The following NRXN1 variants were observed in gnomAD, a reference collection of about 807,000 sequenced individuals.
The protein encoded by NRXN1 is neurexin 1.
Under a neutral mutation model 150.9 loss-of-function variants are expected in NRXN1, and 39 were observed. The ratio of observed to expected loss-of-function variants is 0.26; its 90% CI spans 0.20 to 0.34. NRXN1 has a LOEUF of 0.34. Ranked by LOEUF, NRXN1 falls within the 10% of genes least tolerant of loss-of-function variation. NRXN1 has a pLI of 1.00. For synonymous variants in NRXN1, 924 were observed against 757.0 expected (o/e 1.22, Z -3.62); for missense variants, 1,815 against 1,949.9 (o/e 0.93, Z 1.30).
intron 18 of NRXN1, among the ~76,000 whole-genome samples, chr2:50,177,528 A>G (rs191768994): frequency 1.3e-5 from 2 of 151,924 alleles, no homozygotes; most frequent in East Asian, 3.9e-4. Context: ...TATATCTTTT[A>G]CTTTGGGATG....
chr2:50,301,540 G>T (rs573999238), intron 17 of NRXN1, among the ~76,000 whole-genome samples: 15 of 152,260 alleles, frequency 9.9e-5, no homozygotes, highest in African/African-American at 2.6e-4. Context: ...AACATCAACA[G>T]ATTTTTTATG....
At chr2:50,078,992 C>T (rs571620127) in intron 19 of NRXN1, among the ~76,000 whole-genome samples, 13 of 152,136 alleles carry the variant, frequency 8.5e-5, no homozygotes, top group East Asian at 5.8e-4. Flanking sequence ...GGGATTCTAA[C>T]GATGAATTCC....
At chr2:50,690,508 G>A (rs955426008) in intron 5 of NRXN1, among the ~76,000 whole-genome samples, 20 of 152,236 alleles carry the variant, frequency 1.3e-4, no homozygotes, top group African/African-American at 4.8e-4. Context: ...TTTGGTTGGT[G>A]GGAATAGAAA....
At position 50,389,887 on chromosome 2, in the gene NRXN1, T is replaced by C. The variant is rs541285016; in HGVS notation, c.3364+75555A>G. On this transcript the variant is annotated intron_variant, in intron 17 of 22. Coordinates refer to ENST00000401669, the MANE Select transcript of NRXN1 (RefSeq NM_001330078.2). ...TCAAATGGAACTTTAAATACACCAT[T>C]GCTGGTTATACTTGGTGATGTTATG... Among the ~76,000 whole-genome samples, 5 of 152,264 alleles carry C rather than the reference T, an allele frequency of 3.3e-5. No homozygotes were observed. In the East Asian group the frequency reaches 7.7e-4, roughly 24 times the overall value.
At chr2:50,148,972 C>G (rs1313699588) in intron 18 of NRXN1, among the ~76,000 whole-genome samples, 2 of 151,594 alleles carry the variant, frequency 1.3e-5, no homozygotes, top group Non-Finnish European at 3.0e-5. Flanking sequence ...ATAATCATCT[C>G]TGGGTTGAAA....
In NRXN1 at chr2:51,021,282, T is replaced by C. The variant is rs1024395823; in HGVS notation, c.772+6220A>G. 2.0e-5 allele frequency among the ~76,000 whole-genome samples: 3 copies of C among 151,960 alleles called. No individual in the cohort carries two copies. In the East Asian group the frequency reaches 5.8e-4, roughly 29 times the overall value. On this transcript the variant is annotated intron_variant, in intron 2 of 22. Transcript: ENST00000401669. ...CCTGTAATAAAATGAAACCTGAATA[T>C]CTATTGTAAGGCCTAATTTTCAGTA... is the stretch of plus-strand genomic sequence containing the variant.
chr2:50,057,157 T>C (rs1368436143), intron 19 of NRXN1, among the ~76,000 whole-genome samples: 1 of 152,142 alleles, frequency 6.6e-6, no homozygotes, highest in Non-Finnish European at 1.5e-5. Context: ...CTCAGACCCT[T>C]AGTGAAATTT....
intron 5 of NRXN1, among the ~76,000 whole-genome samples, chr2:50,742,677 T>C (rs1699571918): frequency 6.6e-6 from 1 of 151,688 alleles, no homozygotes; most frequent in Admixed American, 6.6e-5. Flanking sequence ...AATTTCCATA[T>C]CTCAACGTTC....
At chr2:50,850,579 C>T (rs1400504143) in intron 5 of NRXN1, among the ~76,000 whole-genome samples, 1 of 152,148 alleles carries the variant, frequency 6.6e-6, no homozygotes, top group Non-Finnish European at 1.5e-5. Flanking sequence ...TTGAAACCTA[C>T]TAGCCTTTCT....
intron 5 of NRXN1, among the ~76,000 whole-genome samples, chr2:50,828,062 G>A (rs9751942): frequency 6.7e-5 from 10 of 148,448 alleles, no homozygotes; most frequent in African/African-American, 2.5e-4. Context: ...ACCTTTCCCC[G>A]CTTTCTATTC....
intron 8 of NRXN1, among the ~76,000 whole-genome samples, chr2:50,601,493 T>A (rs1394808636): frequency 6.6e-6 from 1 of 152,192 alleles, no homozygotes; most frequent in Non-Finnish European, 1.5e-5. Flanking sequence ...CAAATAACTC[T>A]CCGTAATTAT....
intron 17 of NRXN1, among the ~76,000 whole-genome samples, chr2:50,403,183 T>C (rs2082512896): frequency 6.6e-6 from 1 of 152,082 alleles, no homozygotes; most frequent in African/African-American, 2.4e-5. Context: ...ATAATTTATA[T>C]TACACAGAAT....
intron 10 of NRXN1, among the ~76,000 whole-genome samples, chr2:50,537,866 T>G (rs959561839): frequency 3.9e-5 from 6 of 152,210 alleles, no homozygotes; most frequent in African/African-American, 1.4e-4. Flanking sequence ...CAAATGCTAT[T>G]TCTTAGCATG....
intron 21 of NRXN1, among the ~76,000 whole-genome samples, chr2:49,952,647 CT>C (rs1674174196): frequency 1.3e-5 from 2 of 151,544 alleles, no homozygotes; most frequent in African/African-American, 2.4e-5. Flanking sequence ...TATTGAATCT[CT>C]TTCTGTCTTT....
At chr2:50,530,256 C>T (rs1184601221) in intron 11 of NRXN1, among the ~76,000 whole-genome samples, 1 of 152,040 alleles carries the variant, frequency 6.6e-6, no homozygotes, top group Non-Finnish European at 1.5e-5. Context: ...AAATTAAACT[C>T]ATAAACAAAC....
At chr2:50,882,994 T>A (rs187066534) in intron 5 of NRXN1, among the ~76,000 whole-genome samples, 35 of 151,964 alleles carry the variant, frequency 2.3e-4, no homozygotes, top group Admixed American at 5.3e-4. Flanking sequence ...ACAACTGTCA[T>A]AGTAGCGAAT....
At chr2:50,880,351 T>G (rs1185880836) in intron 5 of NRXN1, among the ~76,000 whole-genome samples, 1 of 151,976 alleles carries the variant, frequency 6.6e-6, no homozygotes, top group African/African-American at 2.4e-5. Context: ...AAGACAATGT[T>G]ACATTTCTTG....
intron 17 of NRXN1, among the ~76,000 whole-genome samples, chr2:50,296,274 G>C (rs1485054213): frequency 6.6e-6 from 1 of 152,186 alleles, no homozygotes; most frequent in African/African-American, 2.4e-5. Flanking sequence ...AGGAATCCCT[G>C]AAAGGATAAG....
chr2:50,299,334 C>T (rs1030715819), intron 17 of NRXN1, among the ~76,000 whole-genome samples: 3 of 151,942 alleles, frequency 2.0e-5, no homozygotes, highest in Admixed American at 1.3e-4. Context: ...CCAGTCCTCT[C>T]CAGCAGAACT....
Sources: allele counts gnomAD v4.1 joint callset (sites outside exome capture counted in the v4.1 genomes callset), GRCh38; gene constraint gnomAD v4.1.1; transcripts MANE v1.5; gene names NCBI Gene and HGNC (gene_info 2026-07-23, HGNC 2026-07-21).